SLC6A4: variants seen among roughly 807,000 people sequenced by gnomAD.
SLC6A4 encodes the protein solute carrier family 6 member 4, also known as sodium-dependent serotonin transporter.
Under a neutral mutation model 73.4 loss-of-function variants are expected in SLC6A4, and 22 were observed. That is an observed-to-expected ratio of 0.30 (90% CI 0.21 to 0.43). SLC6A4 has a LOEUF of 0.43. Among genes scored for constraint, SLC6A4 ranks in the 20% least tolerant of loss-of-function variants. The probability of loss-of-function intolerance (pLI) is 1.00; values close to 1 mark genes in which losing one functional copy is unlikely to be tolerated. For synonymous variants in SLC6A4, 270 were observed against 315.5 expected, an observed-to-expected ratio of 0.86 and a Z score of 1.53; for missense variants, 593 against 808.5, an observed-to-expected ratio of 0.73 and a Z score of 3.23.
intron 1 of SLC6A4, among the ~76,000 whole-genome samples, chr17:30,230,080 A>G (rs540721255): frequency 8.9e-5 from 11 of 123,166 alleles, no homozygotes; most frequent in African/African-American, 4.2e-4. Flanking sequence ...AAGAAGAAGA[A>G]GAAGAAGAAG....
intron 14 of SLC6A4, among the ~76,000 whole-genome samples, chr17:30,202,959 A>C (rs1034917384): frequency 3.3e-5 from 5 of 152,064 alleles, no homozygotes; most frequent in African/African-American, 1.2e-4. Context: ...TGATCAGCTC[A>C]CTCTTTTGCC....
At position 30,211,238 on chromosome 17, in the gene SLC6A4, A is replaced by AATTGAG. The variant is rs1906375293; in HGVS notation, c.1317+68_1317+73dup. 3 of 985,928 alleles carry AATTGAG rather than the reference A, an allele frequency of 3.0e-6. No homozygotes were observed. The highest frequency in any genetic ancestry group is 3.2e-6 in the Non-Finnish European group (2 of 630,686). The allele number at this position is 985,928 out of a possible 1,614,324, so 61.1% of individuals were successfully genotyped here. On this transcript the variant is annotated intron_variant, in intron 10 of 14. Coordinates refer to ENST00000650711, the MANE Select transcript of SLC6A4 (RefSeq NM_001045.6). The surrounding 1 kb of genome is among the most constrained non-coding windows in gnomAD (Gnocchi z 4.0). ...CCTGGGATGGCCAGGGATGGGAGGGAATTGAGTCCAGCTGAGTCCTCCTCC... is the reference window on the plus strand; with the variant it reads ...CCTGGGATGGCCAGGGATGGGAGGGAATTGAGATTGAGTCCAGCTGAGTCCTCCTCC...
At position 30,211,909 on chromosome 17, in the gene SLC6A4, A is replaced by C. The variant is rs1906397466; in HGVS notation, c.1205-485T>G. Among the ~76,000 whole-genome samples the C allele has an allele frequency of 6.6e-6, 1 of 152,134 alleles. No individual in the cohort carries two copies. Among genetic ancestry groups the C allele is most frequent in the South Asian group, 2.1e-4 (1 of 4,824 alleles). Reference sequence around the variant, plus strand: ...TCTTTCTATTTTAAAGTCCCTTTTGAAAGTGTGAGGGACATGTCTTCAGCC... The same window carrying C: ...TCTTTCTATTTTAAAGTCCCTTTTGCAAGTGTGAGGGACATGTCTTCAGCC... On this transcript the variant is annotated intron_variant, in intron 9 of 14. Coordinates refer to ENST00000650711, the MANE Select transcript of SLC6A4 (RefSeq NM_001045.6). The surrounding 1 kb of genome is among the most constrained non-coding windows in gnomAD (Gnocchi z 4.0).
intron 14 of SLC6A4, among the ~76,000 whole-genome samples, chr17:30,198,907 G>GT (rs1905945380): frequency 6.6e-6 from 1 of 152,140 alleles, no homozygotes; most frequent in Non-Finnish European, 1.5e-5. Context: ...GGGGAGCAGA[G>GT]TAATTGCTGG....
chr17:30,222,643 G>A (rs1016991712), intron 2 of SLC6A4, among the ~76,000 whole-genome samples, 176 bp downstream of exon 2: 4 of 152,320 alleles, frequency 2.6e-5, no homozygotes, highest in East Asian at 1.9e-4. Context: ...GCCACCCTTC[G>A]TGAGGCACCC....
chr17:30,199,184 A>C (rs776780302), intron 14 of SLC6A4, among the ~76,000 whole-genome samples: 1 of 152,212 alleles, frequency 6.6e-6, no homozygotes, highest in African/African-American at 2.4e-5. Flanking sequence ...AAGGTCTACT[A>C]TAGAAACAGC....
chr17:30,221,288 T>C (rs1237131631), intron 3 of SLC6A4, among the ~76,000 whole-genome samples: 1 of 152,110 alleles, frequency 6.6e-6, no homozygotes, highest in African/African-American at 2.4e-5. Flanking sequence ...GATTTGACTT[T>C]TCTACCAGCT....
intron 1 of SLC6A4, among the ~76,000 whole-genome samples, chr17:30,231,376 TATAC>T (rs1480516486): frequency 6.6e-6 from 1 of 151,458 alleles, no homozygotes; most frequent in Non-Finnish European, 1.5e-5. Flanking sequence ...ATAGTTTATA[TATAC>T]ATATAGTGTA....
intron 13 of SLC6A4, among the ~76,000 whole-genome samples, chr17:30,205,411 A>C (rs1389973927): frequency 6.6e-6 from 1 of 152,200 alleles, no homozygotes; most frequent in East Asian, 1.9e-4. Context: ...AAAAACAAAT[A>C]AAAATATTTA....
intron 1 of SLC6A4, among the ~76,000 whole-genome samples, chr17:30,232,035 TC>T (rs772309434): frequency 2.0e-5 from 3 of 152,188 alleles, no homozygotes. Flanking sequence ...CTTCCAGGTC[TC>T]CCACTCACTA....
chr17:30,231,347 G>A (rs947726543), intron 1 of SLC6A4, among the ~76,000 whole-genome samples: 2 of 149,474 alleles, frequency 1.3e-5, no homozygotes, highest in African/African-American at 4.9e-5. Context: ...TATATCTGTA[G>A]GTATACATAC....
rs1242908626 is a variant in SLC6A4 at position 30,210,772 on chromosome 17, C to T, written c.1318-126G>A. ...GTCAAGCTGATCATCACCAGTTCCC[C>T]GGCTCGCTGGACCATGTAAGCATCT... On this transcript the variant is annotated intron_variant, in intron 10 of 14. Coordinates refer to ENST00000650711, the MANE Select transcript of SLC6A4 (RefSeq NM_001045.6). 2.5e-5 allele frequency: 25 copies of T among 993,058 alleles called. No homozygotes were observed. The Admixed American group carries it at 3.4e-4, about 14-fold the overall frequency. 61.5% of individuals were successfully genotyped at this position (993,058 alleles called of 1,614,324 possible). A position where few individuals can be genotyped will look rare whatever the true frequency, so the allele number is the denominator to read the frequency against.
intron 1 of SLC6A4, among the ~76,000 whole-genome samples, chr17:30,223,294 T>A (rs1003055829): frequency 4.6e-5 from 7 of 152,208 alleles, no homozygotes; most frequent in Admixed American, 3.3e-4. Context: ...GGATGGACTG[T>A]TTATAACTGC....
rs149104005 is a variant in SLC6A4, at chr17:30,215,218, T to C, written c.1076+393A>G. 4.3e-3 allele frequency among the ~76,000 whole-genome samples: 660 copies of C among 152,282 alleles called. 5 individuals are homozygous for C. Among genetic ancestry groups the C allele is most frequent in the African/African-American group, 0.015 (623 of 41,570 alleles). The stretch of plus-strand genomic sequence containing the variant: ...ACACCATGCCTGGCTAATCTTTGTA[T>C]TTTTAGTACAGACAGGGTTTCGCCA... On this transcript the variant is annotated intron_variant, in intron 8 of 14. Coordinates refer to ENST00000650711, the MANE Select transcript of SLC6A4 (RefSeq NM_001045.6).
intron 4 of SLC6A4, 22 bp from the exon 5 acceptor site, chr17:30,218,359 G>A (rs749717602): frequency 1.3e-6 from 2 of 1,592,290 alleles, no homozygotes; most frequent in Non-Finnish European, 1.7e-6. Context: ...GTGAGATGGA[G>A]AGACAGAGGC....
In SLC6A4 at chr17:30,220,930, C is replaced by A. The variant is rs55934447; in HGVS notation, c.343+686G>T. Among the ~76,000 whole-genome samples, 923 of 151,062 alleles carry A rather than the reference C, an allele frequency of 6.1e-3. 12 individuals carry two copies. Among genetic ancestry groups the A allele is most frequent in the African/African-American group, 0.021 (852 of 41,130 alleles). On this transcript the variant is annotated intron_variant, in intron 3 of 14. Transcript: ENST00000650711. Reference sequence around the variant, plus strand: ...CCCAGCTTCACAACCCGGAGAGCCTCAGACACGCTGTCTTCAGCTTTTGGC... The same window carrying A: ...CCCAGCTTCACAACCCGGAGAGCCTAAGACACGCTGTCTTCAGCTTTTGGC...
intron 13 of SLC6A4, chr17:30,206,255 A>AC (rs1906191905): frequency 6.6e-6 from 1 of 152,068 alleles, no homozygotes; most frequent in Non-Finnish European, 1.5e-5. Flanking sequence ...AAAAAAAAAA[A>AC]AAACACAAAA....
chr17:30,222,260 A>G (rs1417475605), intron 2 of SLC6A4, among the ~76,000 whole-genome samples, 179 bp from the exon 3 acceptor site: 1 of 152,236 alleles, frequency 6.6e-6, no homozygotes, highest in East Asian at 1.9e-4. Context: ...TTCTCAACCT[A>G]TACAGGGCAT....
chr17:30,233,757 C>T (rs1231455645), intron 1 of SLC6A4, among the ~76,000 whole-genome samples: 3 of 152,200 alleles, frequency 2.0e-5, no homozygotes, highest in African/African-American at 7.2e-5. Context: ...GCTGTCCAGA[C>T]ATCTTTAGAA....
Sources: allele counts gnomAD v4.1 joint callset (sites outside exome capture counted in the v4.1 genomes callset), GRCh38; gene constraint gnomAD v4.1.1; non-coding constraint Gnocchi (gnomAD v3.1); transcripts MANE v1.5; gene names NCBI Gene and HGNC (gene_info 2026-07-23, HGNC 2026-07-21).